CARMIL1: variants seen among roughly 807,000 people sequenced by gnomAD.
CARMIL1 encodes capping protein regulator and myosin 1 linker 1, also known as F-actin-uncapping protein LRRC16A.
CARMIL1 carries 90 observed loss-of-function variants against 177.1 expected under a neutral mutation model. That is an observed-to-expected ratio of 0.51 (90% CI 0.43 to 0.61). The LOEUF (loss-of-function observed/expected upper bound fraction) is 0.61, where lower values mean the gene tolerates loss of function less well. Ranked by LOEUF, CARMIL1 falls within the 20% of genes least tolerant of loss-of-function variation. The pLI is 0.00. For synonymous variants in CARMIL1, 577 were observed against 606.2 expected (o/e 0.95, Z 0.71); for missense variants, 1,380 against 1,667.0 (o/e 0.83, Z 3.00).
At chr6:25,610,216 G>A (rs1816390177) in intron 36 of CARMIL1, 35 bp downstream of exon 36, 2 of 1,592,134 alleles carry the variant, frequency 1.3e-6, no homozygotes, top group African/African-American at 1.3e-5. Context: ...CTCTGGGTTA[G>A]CTCTCCCCAA....
At position 25,352,907 on chromosome 6, in the gene CARMIL1, G is replaced by A. The variant is rs569664282; in HGVS notation, c.139-67207G>A. 2.0e-5 allele frequency among the ~76,000 whole-genome samples: 3 copies of A among 152,270 alleles called. No homozygotes were observed. In the East Asian group the frequency reaches 5.8e-4, roughly 29 times the overall value. On this transcript the variant is annotated intron_variant, in intron 2 of 36. Coordinates refer to ENST00000329474, the MANE Select transcript of CARMIL1 (RefSeq NM_017640.6). Reference sequence around the variant, plus strand: ...ACAGTCTTATTACTAACCTGACCATGGCTGCTGGCCATGAAGCTCACTTGA... The same window carrying A: ...ACAGTCTTATTACTAACCTGACCATAGCTGCTGGCCATGAAGCTCACTTGA...
intron 26 of CARMIL1, 70 bp downstream of exon 26, chr6:25,540,148 A>G (rs1178170083): frequency 7.9e-6 from 11 of 1,385,926 alleles, no homozygotes; most frequent in Non-Finnish European, 1.1e-5. Context: ...ATTTCATTCC[A>G]TAGCTATCTA....
intron 26 of CARMIL1, among the ~76,000 whole-genome samples, chr6:25,545,745 A>G (rs1809386767): frequency 6.6e-6 from 1 of 152,206 alleles, no homozygotes. Context: ...AGAAATTAAT[A>G]ACAAAAGATA....
chr6:25,330,214 T>C (rs1017202782), intron 2 of CARMIL1, among the ~76,000 whole-genome samples: 2 of 152,158 alleles, frequency 1.3e-5, no homozygotes, highest in African/African-American at 4.8e-5. Context: ...ACTGTGCGAT[T>C]ATAGACTGGC....
intron 2 of CARMIL1, among the ~76,000 whole-genome samples, chr6:25,377,166 T>C (rs1791070784): frequency 6.6e-6 from 1 of 152,140 alleles, no homozygotes; most frequent in South Asian, 2.1e-4. Context: ...TGAGCTCCCA[T>C]GGGGGAAGCC....
At chr6:25,531,331 T>A (rs1582266595) in intron 24 of CARMIL1, among the ~76,000 whole-genome samples, 1 of 12,044 alleles carries the variant, frequency 8.3e-5, no homozygotes, top group Admixed American at 1.1e-3. Flanking sequence ...TTGCTTCTTC[T>A]TTGAAAGAAA....
chr6:25,365,353 AGCTCTGGTT>A (rs558724030), intron 2 of CARMIL1, among the ~76,000 whole-genome samples: 49 of 152,316 alleles, frequency 3.2e-4, no homozygotes, highest in East Asian at 1.9e-3. Flanking sequence ...TCAGCCTACT[AGCTCTGGTT>A]GCTCTGGTGC....
intron 3 of CARMIL1, among the ~76,000 whole-genome samples, chr6:25,420,706 T>A (rs1315918593): frequency 6.6e-6 from 1 of 152,254 alleles, no homozygotes; most frequent in Non-Finnish European, 1.5e-5. Context: ...AATAACAAGA[T>A]GCCACTCTGT....
chr6:25,456,344 T>TC (rs926652837), intron 8 of CARMIL1, among the ~76,000 whole-genome samples: 3 of 152,200 alleles, frequency 2.0e-5, no homozygotes, highest in African/African-American at 4.8e-5. Context: ...CTAGGACCAG[T>TC]CCCTCTGTTG....
Position 25,509,763 on chromosome 6 carries a change from A to G in CARMIL1, c.1477+26A>G, listed in dbSNP as rs1197803796. On this transcript the variant is annotated intron_variant, in intron 18 of 36. Transcript: ENST00000329474. This position sits in a 1 kb window ranked among gnomAD's most constrained non-coding sequence, Gnocchi z 4.1. The stretch of plus-strand genomic sequence containing the variant: ...GTAAGTCAGATATTGAAAAGAAATG[A>G]AACTGAAATATTTTTTGAAGCAAGT... 6.9e-7 allele frequency: 1 copy of G among 1,456,684 alleles called. No individual in the cohort carries two copies. 90.2% of individuals were successfully genotyped at this position (1,456,684 alleles called of 1,614,324 possible).
At chr6:25,470,363 T>G (rs567951318) in intron 9 of CARMIL1, among the ~76,000 whole-genome samples, 2 of 152,244 alleles carry the variant, frequency 1.3e-5, no homozygotes, top group Non-Finnish European at 2.9e-5. Flanking sequence ...ACTCAGTGCC[T>G]GGCACATGGT....
chr6:25,592,509 T>G (rs550076043), intron 31 of CARMIL1, among the ~76,000 whole-genome samples: 1 of 152,336 alleles, frequency 6.6e-6, no homozygotes, highest in Non-Finnish European at 1.5e-5. Flanking sequence ...TAGGAAAACC[T>G]TGCTCCAATA....
chr6:25,284,484 C>T (rs942611191), intron 1 of CARMIL1, among the ~76,000 whole-genome samples: 5 of 152,130 alleles, frequency 3.3e-5, no homozygotes, highest in African/African-American at 4.8e-5. Flanking sequence ...CCAAGGCAGG[C>T]GGATCACTTG....
chr6:25,358,222 CTG>C (rs1430384714), intron 2 of CARMIL1, among the ~76,000 whole-genome samples: 1 of 152,178 alleles, frequency 6.6e-6, no homozygotes, highest in Non-Finnish European at 1.5e-5. Flanking sequence ...GTTATGTTGA[CTG>C]TAATATTTCT....
At chr6:25,487,391 T>C (rs1802771174) in intron 12 of CARMIL1, among the ~76,000 whole-genome samples, 1 of 152,216 alleles carries the variant, frequency 6.6e-6, no homozygotes, top group African/African-American at 2.4e-5. Flanking sequence ...AACCTTTTCC[T>C]GGTTCTTTAG....
intron 29 of CARMIL1, among the ~76,000 whole-genome samples, chr6:25,559,262 A>G (rs1378051503): frequency 6.6e-6 from 1 of 152,110 alleles, no homozygotes; most frequent in Non-Finnish European, 1.5e-5. Flanking sequence ...GTAGCAAACC[A>G]TTATTGTTTG....
At chr6:25,408,463 G>A (rs1046839256) in intron 2 of CARMIL1, among the ~76,000 whole-genome samples, 3 of 103,180 alleles carry the variant, frequency 2.9e-5, no homozygotes, top group Non-Finnish European at 6.7e-5. Context: ...CTTTAGGGAT[G>A]CAATGATTTA....
At chr6:25,600,073 C>T (rs993334028) in intron 32 of CARMIL1, among the ~76,000 whole-genome samples, 2 of 152,082 alleles carry the variant, frequency 1.3e-5, no homozygotes, top group Non-Finnish European at 2.9e-5. Context: ...ACTGGCTGTA[C>T]CAGTTACATT....
At position 25,510,573 on chromosome 6, in the gene CARMIL1, C is replaced by G; in HGVS notation, c.1544C>G (p.Ala515Gly). 6.4e-7 allele frequency: 1 copy of G among 1,554,966 alleles called. No homozygotes were observed. The highest frequency in any genetic ancestry group is 8.7e-7 in the Non-Finnish European group (1 of 1,148,152). Residue 515 changes from alanine to glycine, a missense_variant, in exon 19 of 37, where the codon GCG (alanine) becomes GGG (glycine). Physicochemically the swap from Ala to Gly is moderately conservative, Grantham distance 60. Transcript: ENST00000329474. ...LSKNRSIQHL[A>G]LGKNFNNMKS... ...AAAAACAGATCAATACAACACCTGG[C>G]GTTAGGCAAAAATTTTAATAATATG... is the stretch of plus-strand genomic sequence containing the variant.
Sources: allele counts gnomAD v4.1 joint callset (sites outside exome capture counted in the v4.1 genomes callset), GRCh38; gene constraint gnomAD v4.1.1; non-coding constraint Gnocchi (gnomAD v3.1); transcripts MANE v1.5; gene names NCBI Gene and HGNC (gene_info 2026-07-23, HGNC 2026-07-21).